The following ZWILCH variants were observed in gnomAD, a reference collection of about 807,000 sequenced individuals.
ZWILCH encodes the protein zwilch kinetochore protein.
In ZWILCH, 74 loss-of-function variants were observed where a neutral mutation model predicts 79.9. That is an observed-to-expected ratio of 0.93 (90% CI 0.77 to 1.12). The LOEUF (loss-of-function observed/expected upper bound fraction) is 1.12. Among genes scored for constraint, ZWILCH ranks in the 50% most tolerant of loss-of-function variants. The pLI is 0.00. For missense variants in ZWILCH, 694 were observed against 687.5 expected (o/e 1.01, Z -0.11); for synonymous variants, 241 against 228.2 (o/e 1.06, Z -0.51).
In ZWILCH at chr15:66,505,358, G is replaced by T; in HGVS notation, c.20G>T (p.Cys7Phe). The T allele has an allele frequency of 5.0e-6, 8 of 1,614,104 alleles. No homozygotes were observed. The highest frequency in any genetic ancestry group is 5.9e-6 in the Non-Finnish European group (7 of 1,180,010). Residue 7 changes from cysteine (C) to phenylalanine (F), a missense_variant, in exon 1 of 19, where the codon TGC (cysteine) becomes TTC (phenylalanine). Transcript: ENST00000307897. MWERLN[C>F]AAEDFYSRLL... is the part of the protein sequence containing the mutation. ...GGCGGGATGTGGGAGCGGCTGAACT[G>T]CGCAGCAGAGGACTTTTATTCTCGT...
chr15:66,535,781 T>A (rs1353641179), intron 14 of ZWILCH, 152 bp from the exon 15 acceptor site: 1 of 596,746 alleles, frequency 1.7e-6, no homozygotes, highest in African/African-American at 1.9e-5. Context: ...TATTGAAAGG[T>A]GAGAAATTCT....
At chr15:66,521,372 G>T (rs1343951306) in intron 7 of ZWILCH, among the ~76,000 whole-genome samples, 167 bp downstream of exon 7, 2 of 152,190 alleles carry the variant, frequency 1.3e-5, no homozygotes, top group Non-Finnish European at 2.9e-5. Flanking sequence ...GGCAGCCAGT[G>T]AAGGTTTTGT....
chr15:66,508,121 T>G (rs987965326), intron 1 of ZWILCH, among the ~76,000 whole-genome samples: 2 of 152,226 alleles, frequency 1.3e-5, no homozygotes, highest in Non-Finnish European at 2.9e-5. Flanking sequence ...TATAAATGGT[T>G]TCTTGAAACA....
chr15:66,534,424 A>AC (rs1338341302), intron 14 of ZWILCH, among the ~76,000 whole-genome samples: 1 of 152,214 alleles, frequency 6.6e-6, no homozygotes, highest in Admixed American at 6.5e-5. Context: ...ATCTGTATAT[A>AC]CAGTCATACT....
intron 8 of ZWILCH, 69 bp from the exon 9 acceptor site, chr15:66,527,221 A>T: frequency 9.5e-7 from 1 of 1,052,584 alleles, no homozygotes; most frequent in Non-Finnish European, 1.5e-6. Flanking sequence ...TATTATTATT[A>T]CATACATCCT....
intron 8 of ZWILCH, 54 bp from the exon 9 acceptor site, chr15:66,527,236 G>T (rs1894703054): frequency 1.6e-6 from 2 of 1,229,114 alleles, no homozygotes; most frequent in South Asian, 1.2e-5. Flanking sequence ...CATCCTTATT[G>T]ATTAAACAGT....
Position 66,523,740 on chromosome 15 carries a change from TTTC to T in ZWILCH, c.817_819del (p.Leu273del). Reference sequence around the variant, plus strand: ...GAATCATCTCTACAGAGAACTGAAATTTCTTCTTGTGAGTATCCTTCTAGAATT... The same window carrying T: ...GAATCATCTCTACAGAGAACTGAAATTTCTTGTGAGTATCCTTCTAGAATT... On this transcript the variant is annotated inframe_deletion, in exon 8 of 19. Coordinates refer to ENST00000307897, the MANE Select transcript of ZWILCH (RefSeq NM_017975.5). 1 of 1,607,678 alleles carries T rather than the reference TTTC, an allele frequency of 6.2e-7. No homozygotes were observed.
At chr15:66,536,946 T>A (rs1322563172) in intron 15 of ZWILCH, among the ~76,000 whole-genome samples, 1 of 152,318 alleles carries the variant, frequency 6.6e-6, no homozygotes, top group African/African-American at 2.4e-5. Flanking sequence ...ATTAATTTTT[T>A]AAAAGTGAAT....
rs772436041 is a variant in ZWILCH, at chr15:66,544,117, C to T, written c.1688-2474C>T. On this transcript the variant is annotated intron_variant, in intron 17 of 18. Transcript: ENST00000307897. Reference sequence around the variant, plus strand: ...CTAAAAATATAAAAAATTAGCCGGGCATGGTGGCGCATGCCTGTAATCCCA... The same window carrying T: ...CTAAAAATATAAAAAATTAGCCGGGTATGGTGGCGCATGCCTGTAATCCCA... Among the ~76,000 whole-genome samples the T allele has an allele frequency of 2.2e-4, 34 of 151,836 alleles. No homozygotes were observed. The Middle Eastern group carries it at 0.01, about 46-fold the overall frequency.
intron 17 of ZWILCH, among the ~76,000 whole-genome samples, chr15:66,544,722 T>TGTGTG (rs1555426552): frequency 2.4e-4 from 7 of 29,766 alleles, no homozygotes; most frequent in Admixed American, 2.1e-3. Flanking sequence ...TTTTTTTGGT[T>TGTGTG]TTTGTGTGTG....
chr15:66,507,759 C>A (rs1290245047), intron 1 of ZWILCH, among the ~76,000 whole-genome samples: 1 of 152,064 alleles, frequency 6.6e-6, no homozygotes, highest in East Asian at 1.9e-4. Context: ...GAAACCCCAT[C>A]TCTACTAAAA....
intron 12 of ZWILCH, among the ~76,000 whole-genome samples, chr15:66,531,878 C>G (rs1366749024): frequency 6.6e-6 from 1 of 151,950 alleles, no homozygotes; most frequent in East Asian, 1.9e-4. Flanking sequence ...AGCAGCCTGG[C>G]CAACATGGTG....
chr15:66,536,324 G>C (rs954599318), intron 15 of ZWILCH, among the ~76,000 whole-genome samples: 16 of 152,148 alleles, frequency 1.1e-4, no homozygotes, highest in African/African-American at 3.4e-4. Context: ...TTCCTCATCT[G>C]TAAAAAGGAT....
At chr15:66,543,733 G>T (rs1046434543) in intron 17 of ZWILCH, among the ~76,000 whole-genome samples, 2 of 151,946 alleles carry the variant, frequency 1.3e-5, no homozygotes, top group East Asian at 3.9e-4. Context: ...CTCCAGCCTG[G>T]GTAGCAGAGC....
intron 2 of ZWILCH, among the ~76,000 whole-genome samples, chr15:66,509,847 A>C (rs916220033): frequency 2.8e-4 from 30 of 108,270 alleles, no homozygotes; most frequent in South Asian, 5.9e-4. Context: ...ATATATATAT[A>C]TATATATATA....
Position 66,546,616 on chromosome 15 carries a change from T to C in ZWILCH, c.1713T>C (p.Gly571=), listed in dbSNP as rs1895379412. ...ATTTTTCGGAATTAACACTAAACGG[T>C]AGCCTGGAAGAAAGGATATTCTTTA... ...KPDFSELTLN[G]SLEERIFFTN... Residue 571 remains glycine, a synonymous_variant, in exon 18 of 19, where the codon GGT becomes GGC. Transcript: ENST00000307897. 6.2e-7 allele frequency: 1 copy of C among 1,609,202 alleles called. No homozygotes were observed. The highest frequency in any genetic ancestry group is 1.3e-5 in the African/African-American group (1 of 74,816).
At position 66,527,345 on chromosome 15, in the gene ZWILCH, C is replaced by G; in HGVS notation, c.875C>G (p.Ala292Gly). The G allele has an allele frequency of 6.2e-7, 1 of 1,614,032 alleles. No individual in the cohort carries two copies. The highest frequency in any genetic ancestry group is 1.1e-5 in the South Asian group (1 of 91,086). ...GVTEWLEPLEAKSAVELVQEF... is the reference protein window; with the variant it reads ...GVTEWLEPLEGKSAVELVQEF... The stretch of plus-strand genomic sequence containing the variant: ...ACTGAATGGCTCGAGCCCCTGGAAG[C>G]AAAATCTGCTGTTGAACTTGTTCAG... The change falls in exon 9 of 19, where the codon GCA becomes GGA. Residue 292 changes from alanine to glycine, a missense_variant. Physicochemically the swap from Ala to Gly is moderately conservative, Grantham distance 60. Transcript: ENST00000307897.
Position 66,527,516 on chromosome 15 carries a change from CT to C in ZWILCH, c.913+137del, listed in dbSNP as rs1459643406. 6 of 712,140 alleles carry C rather than the reference CT, an allele frequency of 8.4e-6. No homozygotes were observed. The African/African-American group carries it at 1.1e-4, about 13-fold the overall frequency. 44.1% of individuals were successfully genotyped at this position (712,140 alleles called of 1,614,324 possible). ...AGATCTGTTATGGTCAGAGGGACAGCTTTTGTTCTGAATTGCTAATGGTAGA... is the reference window on the plus strand; with the variant it reads ...AGATCTGTTATGGTCAGAGGGACAGCTTTGTTCTGAATTGCTAATGGTAGA... On this transcript the variant is annotated intron_variant, in intron 9 of 18. Coordinates refer to ENST00000307897, the MANE Select transcript of ZWILCH (RefSeq NM_017975.5).
Position 66,505,351 on chromosome 15 carries a change from C to G in ZWILCH, c.13C>G (p.Leu5Val), listed in dbSNP as rs1000289102. 6.2e-7 allele frequency: 1 copy of G among 1,614,058 alleles called. No individual in the cohort carries two copies. Among genetic ancestry groups the G allele is most frequent in the African/African-American group, 1.3e-5 (1 of 75,070 alleles). Residue 5 changes from leucine (L) to valine (V), a missense_variant, in exon 1 of 19, where the codon CTG (leucine) becomes GTG (valine). Physicochemically the swap from Leu to Val is conservative, Grantham distance 32. Coordinates refer to ENST00000307897, the MANE Select transcript of ZWILCH (RefSeq NM_017975.5). MWER[L>V]NCAAEDFYSR... ...ACATTGGGGCGGGATGTGGGAGCGGCTGAACTGCGCAGCAGAGGACTTTTA... is the reference window on the plus strand; with the variant it reads ...ACATTGGGGCGGGATGTGGGAGCGGGTGAACTGCGCAGCAGAGGACTTTTA...
Sources: allele counts gnomAD v4.1 joint callset (sites outside exome capture counted in the v4.1 genomes callset), GRCh38; gene constraint gnomAD v4.1.1; transcripts MANE v1.5; gene names NCBI Gene and HGNC (gene_info 2026-07-23, HGNC 2026-07-21).